Variants in CD244 observed in about 807,000 individuals in gnomAD.
The protein encoded by CD244 is natural killer cell receptor 2B4.
CD244 carries 20 observed loss-of-function variants against 45.5 expected under a neutral mutation model. The ratio of observed to expected loss-of-function variants is 0.44; its 90% CI spans 0.31 to 0.64. The LOEUF is 0.64. Among genes scored for constraint, CD244 ranks in the 30% least tolerant of loss-of-function variants. The probability of loss-of-function intolerance (pLI) is 0.08; values close to 1 mark genes in which losing one functional copy is unlikely to be tolerated. For synonymous variants in CD244, 185 were observed against 160.5 expected (o/e 1.15, Z -1.15); for missense variants, 407 against 426.9 (o/e 0.95, Z 0.41).
At chr1:160,848,630 C>T (rs914375242) in intron 1 of CD244, 3 of 340,420 alleles carry the variant, frequency 8.8e-6, no homozygotes, top group African/African-American at 6.5e-5. Context: ...CTCCACTCAG[C>T]CTGTTAGTAT....
intron 1 of CD244, among the ~76,000 whole-genome samples, chr1:160,857,310 A>G (rs912526962): frequency 5.3e-5 from 8 of 152,250 alleles, no homozygotes; most frequent in Non-Finnish European, 1.2e-4. Context: ...CCCTAGAGAT[A>G]TACCCAACAG....
chr1:160,839,100 T>C, intron 3 of CD244, 51 bp from the exon 4 acceptor site: 1 of 1,362,624 alleles, frequency 7.3e-7, no homozygotes, highest in South Asian at 1.2e-5. Context: ...GCTCTCTTCT[T>C]CCTTCCCACC....
intron 4 of CD244, 151 bp from the exon 5 acceptor site, chr1:160,838,669 A>G (rs974832627): frequency 1.5e-6 from 1 of 664,612 alleles, no homozygotes; most frequent in Admixed American, 2.6e-5. Context: ...AACCCCAAAG[A>G]GCACAGAGGC....
rs750877965 is a variant in CD244 at position 160,841,410 on chromosome 1, C to A, written c.455G>T (p.Cys152Phe). Reference protein sequence around the residue: ...DRGRCQVALSCLVSRDGNVSY... With the variant: ...DRGRCQVALSFLVSRDGNVSY... ...CACATTGCCATCCCTGGAGACCAAG[C>A]AAGACAGAGCCACTTGGCATCTCCC... Residue 152 changes from cysteine (C) to phenylalanine (F), a missense_variant, in exon 3 of 9, where the codon TGC (cysteine) becomes TTC (phenylalanine). Transcript: ENST00000368034. 26 of 1,614,208 alleles carry A rather than the reference C, an allele frequency of 1.6e-5. No individual in the cohort carries two copies. The highest frequency in any genetic ancestry group is 2.1e-5 in the Non-Finnish European group (25 of 1,180,036).
chr1:160,856,568 T>TA (rs564844706), intron 1 of CD244, among the ~76,000 whole-genome samples: 54 of 152,350 alleles, frequency 3.5e-4, no homozygotes, highest in Non-Finnish European at 7.2e-4. Context: ...TTCATCTTCT[T>TA]AGCTCCTTTT....
chr1:160,833,942 C>A (rs1669227855), intron 7 of CD244, 109 bp downstream of exon 7: 2 of 765,104 alleles, frequency 2.6e-6, no homozygotes, highest in Non-Finnish European at 4.6e-6. Flanking sequence ...CAGATACACA[C>A]AATAAAGAAC....
At chr1:160,836,378 C>A in intron 5 of CD244, 124 bp from the exon 6 acceptor site, 1 of 732,048 alleles carries the variant, frequency 1.4e-6, no homozygotes, top group Non-Finnish European at 2.4e-6. Context: ...GGTGGCAGGA[C>A]TGGGGAGAGT....
intron 1 of CD244, among the ~76,000 whole-genome samples, chr1:160,850,405 T>G (rs1669880360): frequency 6.6e-6 from 1 of 152,208 alleles, no homozygotes; most frequent in African/African-American, 2.4e-5. Flanking sequence ...CCTAAATTAA[T>G]TTATAGATTC....
At chr1:160,853,567 TCTGA>T (rs1358607841) in intron 1 of CD244, among the ~76,000 whole-genome samples, 1 of 152,150 alleles carries the variant, frequency 6.6e-6, no homozygotes, top group Non-Finnish European at 1.5e-5. Flanking sequence ...ACTCAACTGT[TCTGA>T]CTATTAACTA....
rs138144605 is a variant in CD244 at position 160,838,844 on chromosome 1, T to C, written c.766+95A>G. On this transcript the variant is annotated intron_variant, in intron 4 of 8. Coordinates refer to ENST00000368034, the MANE Select transcript of CD244 (RefSeq NM_016382.4). ...CCAAAGCTCGTTGAGGAAAAGGAGA[T>C]GCTGTGCTCCCAGACACATCCCACT... 8 of 799,226 alleles carry C rather than the reference T, an allele frequency of 1.0e-5. No individual in the cohort carries two copies. The African/African-American group carries it at 1.2e-4, about 12-fold the overall frequency. 49.5% of individuals were successfully genotyped at this position (799,226 alleles called of 1,614,324 possible).
intron 1 of CD244, among the ~76,000 whole-genome samples, chr1:160,849,424 G>A (rs956006406): frequency 6.6e-6 from 1 of 151,916 alleles, no homozygotes; most frequent in Non-Finnish European, 1.5e-5. Context: ...CATGCATTAG[G>A]TATTTGTCCT....
At chr1:160,832,622 C>G (rs368347817) in intron 7 of CD244, 47 bp from the exon 8 acceptor site, 1 of 1,609,350 alleles carries the variant, frequency 6.2e-7, no homozygotes, top group South Asian at 1.1e-5. Context: ...GATAAGTGCT[C>G]TCCCACTCCT....
chr1:160,842,048 T>C (rs948930413), intron 1 of CD244, 147 bp from the exon 2 acceptor site: 4 of 622,606 alleles, frequency 6.4e-6, no homozygotes, highest in Non-Finnish European at 1.1e-5. Context: ...GCATATCCCC[T>C]CCATCTGCCT....
chr1:160,831,068 C>T lies in CD244; in HGVS notation c.*279G>A. ...TGCTAATAACATCACTTACATAACA[C>T]TTTCTAGATTACAAATACTTGGAAT... On this transcript the variant is annotated 3_prime_UTR_variant, in exon 9 of 9. Transcript: ENST00000368034. 3.2e-6 allele frequency: 1 copy of T among 314,786 alleles called. No individual in the cohort carries two copies. The highest frequency in any genetic ancestry group is 5.9e-6 in the Non-Finnish European group (1 of 168,988). The allele number at this position is 314,786 out of a possible 1,614,324, so 19.5% of individuals were successfully genotyped here.
At chr1:160,859,928 G>A (rs564863805) in intron 1 of CD244, among the ~76,000 whole-genome samples, 18 of 151,902 alleles carry the variant, frequency 1.2e-4, no homozygotes, top group South Asian at 4.2e-4. Context: ...ATAATAGGCC[G>A]GGCACAGTGG....
intron 8 of CD244, among the ~76,000 whole-genome samples, chr1:160,832,236 G>A (rs1557828772): frequency 6.6e-6 from 1 of 152,156 alleles, no homozygotes; most frequent in Non-Finnish European, 1.5e-5. Context: ...TCCAGTTTGT[G>A]GCCCACAGCC....
At chr1:160,844,864 A>T (rs1024979244) in intron 1 of CD244, among the ~76,000 whole-genome samples, 4 of 152,148 alleles carry the variant, frequency 2.6e-5, no homozygotes, top group Non-Finnish European at 5.9e-5. Flanking sequence ...AACCCCAGCT[A>T]CTTGGGAGTC....
At chr1:160,834,653 T>C (rs573753388) in intron 6 of CD244, among the ~76,000 whole-genome samples, 47 of 152,330 alleles carry the variant, frequency 3.1e-4, no homozygotes, top group African/African-American at 1.1e-3. Flanking sequence ...GCCTGGCCTC[T>C]TCTCTAACTC....
At position 160,832,451 on chromosome 1, in the gene CD244, C is replaced by G; in HGVS notation, c.1017+68G>C. ...GTGAATGATCTTTTCCTAAGTGTAC[C>G]CTTTCATGGCTAGATTTCAGGGCTA... is the stretch of plus-strand genomic sequence containing the variant. On this transcript the variant is annotated intron_variant, in intron 8 of 8. Coordinates refer to ENST00000368034, the MANE Select transcript of CD244 (RefSeq NM_016382.4). 6.5e-6 allele frequency: 6 copies of G among 926,590 alleles called. No homozygotes were observed. The South Asian group carries it at 9.5e-5, about 15-fold the overall frequency. The allele number at this position is 926,590 out of a possible 1,614,324, so 57.4% of individuals were successfully genotyped here.
Sources: allele counts gnomAD v4.1 joint callset (sites outside exome capture counted in the v4.1 genomes callset), GRCh38; gene constraint gnomAD v4.1.1; transcripts MANE v1.5; gene names NCBI Gene and HGNC (gene_info 2026-07-23, HGNC 2026-07-21).